Variants in KANK1 observed in about 807,000 individuals in gnomAD.
KANK1 encodes the protein KN motif and ankyrin repeat domains 1, also known as KN motif and ankyrin repeat domain-containing protein 1.
In KANK1, 109 loss-of-function variants were observed where a neutral mutation model predicts 106.2. The ratio of observed to expected loss-of-function variants is 1.03; its 90% CI spans 0.88 to 1.20. The LOEUF (loss-of-function observed/expected upper bound fraction) is 1.20, where lower values mean the gene tolerates loss of function less well. Ranked by LOEUF, KANK1 falls within the 50% of genes most tolerant of loss-of-function variation. KANK1 has a pLI of 0.00. For missense variants in KANK1, 2,399 were observed against 1,710.7 expected (o/e 1.40, Z -7.10); for synonymous variants, 873 against 652.2 (o/e 1.34, Z -5.16).
intron 9 of KANK1, 114 bp from the exon 10 acceptor site, chr9:742,091 G>A (rs1235328073): frequency 1.1e-6 from 1 of 904,632 alleles, no homozygotes; most frequent in African/African-American, 1.7e-5. Context: ...TCCATCGCCA[G>A]TTCTTTCCCT....
chr9:606,142 TACACACAC>T (rs3028170), intron 1 of KANK1, among the ~76,000 whole-genome samples: 48,862 of 141,634 alleles, frequency 0.34, 10,436 homozygotes, highest in South Asian at 0.53. Context: ...CACATATTCC[TACACACAC>T]ACACACACAC....
chr9:604,683 T>A (rs1828640405), intron 1 of KANK1, among the ~76,000 whole-genome samples: 1 of 151,380 alleles, frequency 6.6e-6, no homozygotes, highest in Non-Finnish European at 1.5e-5. Context: ...AAACAAAAAT[T>A]AGCCGGGCGG....
At chr9:702,946 T>G (rs933896850) in intron 2 of KANK1, among the ~76,000 whole-genome samples, 15 of 152,174 alleles carry the variant, frequency 9.9e-5, no homozygotes, top group African/African-American at 3.6e-4. Context: ...TTACATACTT[T>G]CATACTGCAT....
chr9:595,986 CA>C (rs1487875928), intron 1 of KANK1, among the ~76,000 whole-genome samples: 3 of 151,878 alleles, frequency 2.0e-5, no homozygotes, highest in Admixed American at 1.3e-4. Flanking sequence ...TTTGCATATA[CA>C]TAATGAAATT....
intron 1 of KANK1, among the ~76,000 whole-genome samples, chr9:672,267 T>C (rs912989610): frequency 6.6e-6 from 1 of 152,214 alleles, no homozygotes; most frequent in Non-Finnish European, 1.5e-5. Flanking sequence ...GGTAGTACTT[T>C]GTAGGGTTGT....
intron 1 of KANK1, among the ~76,000 whole-genome samples, chr9:668,038 C>T (rs566451889): frequency 2.6e-5 from 4 of 152,166 alleles, no homozygotes; most frequent in East Asian, 1.9e-4. Context: ...GCCCAAAATT[C>T]CTCTTGTTAT....
In KANK1 at chr9:711,134, C is replaced by T. The variant is rs532574891; in HGVS notation, c.368C>T (p.Pro123Leu). 1.2e-6 allele frequency: 2 copies of T among 1,614,180 alleles called. No individual in the cohort carries two copies. The highest frequency in any genetic ancestry group is 1.1e-5 in the South Asian group (1 of 91,082). Residue 123 changes from proline to leucine, a missense_variant, in exon 3 of 12, where the codon CCC (proline) becomes CTC (leucine). Transcript: ENST00000382297. ...VTSTPISKPP[P>L]PLETSLPFLT... ...TCAACTCCAATCTCAAAGCCACCTCCCCCTCTGGAGACCTCACTCCCTTTT... is the reference window on the plus strand; with the variant it reads ...TCAACTCCAATCTCAAAGCCACCTCTCCCTCTGGAGACCTCACTCCCTTTT...
chr9:645,181 C>G (rs1226110807), intron 1 of KANK1, among the ~76,000 whole-genome samples: 1 of 146,350 alleles, frequency 6.8e-6, no homozygotes, highest in Non-Finnish European at 1.5e-5. Flanking sequence ...TGGCTCACGT[C>G]TGTAATCTCA....
intron 1 of KANK1, among the ~76,000 whole-genome samples, chr9:601,637 T>TAA (rs1302175347): frequency 6.6e-6 from 1 of 151,922 alleles, no homozygotes; most frequent in Non-Finnish European, 1.5e-5. Context: ...CATGGACAGT[T>TAA]ACTTCATTCT....
chr9:731,608 G>A (rs1832294623), intron 5 of KANK1: 1 of 160,354 alleles, frequency 6.2e-6, no homozygotes, highest in South Asian at 2.0e-4. Context: ...AGCAGAAAAA[G>A]ACTGAGAGCA....
intron 1 of KANK1, among the ~76,000 whole-genome samples, chr9:584,884 C>A (rs564248351): frequency 6.6e-6 from 1 of 152,188 alleles, no homozygotes; most frequent in African/African-American, 2.4e-5. Flanking sequence ...AGCCAAAGTT[C>A]TTGGCAGGAA....
At chr9:543,689 G>T (rs1024404604) in intron 1 of KANK1, among the ~76,000 whole-genome samples, 13 of 152,144 alleles carry the variant, frequency 8.5e-5, no homozygotes, top group Non-Finnish European at 1.8e-4. Flanking sequence ...TGACCATTGT[G>T]CATTATGCTG....
chr9:662,007 T>C (rs1206740457), intron 1 of KANK1, among the ~76,000 whole-genome samples: 1 of 152,222 alleles, frequency 6.6e-6, no homozygotes, highest in Non-Finnish European at 1.5e-5. Context: ...TTAAGTTCTT[T>C]GTAGAATCTG....
intron 1 of KANK1, among the ~76,000 whole-genome samples, chr9:542,013 C>A (rs1043616141): frequency 6.6e-6 from 1 of 151,240 alleles, no homozygotes; most frequent in African/African-American, 2.4e-5. Context: ...GGCGTGAACC[C>A]GGGAGGCGGA....
At chr9:613,841 G>T (rs1831153042) in intron 1 of KANK1, among the ~76,000 whole-genome samples, 2 of 152,234 alleles carry the variant, frequency 1.3e-5, no homozygotes, top group South Asian at 4.1e-4. Context: ...CCAGCCTTTT[G>T]GGAAGTTAAA....
intron 1 of KANK1, among the ~76,000 whole-genome samples, chr9:588,002 G>T (rs1317992375): frequency 6.6e-6 from 1 of 151,942 alleles, no homozygotes; most frequent in Non-Finnish European, 1.5e-5. Context: ...GGAGGCAGAG[G>T]TTGCATTGTG....
intron 1 of KANK1, among the ~76,000 whole-genome samples, chr9:565,230 C>T (rs1255892186): frequency 1.3e-5 from 2 of 152,188 alleles, no homozygotes; most frequent in African/African-American, 4.8e-5. Flanking sequence ...CCATTCAACT[C>T]CCTGACTAGT....
intron 1 of KANK1, among the ~76,000 whole-genome samples, chr9:580,725 T>C (rs2804276): frequency 0.81 from 123,453 of 152,250 alleles, 50,434 homozygotes; most frequent in African/African-American, 0.9. Flanking sequence ...GATCCCGCAC[T>C]GGGGCCGCAG....
At chr9:577,968 G>T (rs1011437694) in intron 1 of KANK1, among the ~76,000 whole-genome samples, 1 of 152,104 alleles carries the variant, frequency 6.6e-6, no homozygotes, top group African/African-American at 2.4e-5. Context: ...ATCATTACCT[G>T]TGCACACATC....
Sources: gnomAD v4.1 joint callset for allele counts (sites outside exome capture counted in the v4.1 genomes callset) on GRCh38, gnomAD v4.1.1 for gene constraint, MANE v1.5 for transcripts, NCBI Gene and HGNC (gene_info 2026-07-23, HGNC 2026-07-21) for gene names.